Variants in RAPGEF5 observed in about 807,000 individuals in gnomAD.
The protein encoded by RAPGEF5 is Rap guanine nucleotide exchange factor 5, also known as M-Ras-regulated GEF.
A neutral mutation model predicts 125.2 loss-of-function variants in RAPGEF5; 65 were observed. The observed-to-expected ratio is 0.52, with a 90% confidence interval of 0.43 to 0.64. The LOEUF is 0.64. Among genes scored for constraint, RAPGEF5 ranks in the 30% least tolerant of loss-of-function variants. The pLI, the probability that RAPGEF5 is intolerant of heterozygous loss-of-function variation, is 0.00. For missense variants in RAPGEF5, 958 were observed against 1,048.1 expected (o/e 0.91, Z 1.19); for synonymous variants, 391 against 385.9 (o/e 1.01, Z -0.16).
At chr7:22,356,762 C>T in intron 1 of RAPGEF5, 68 bp downstream of exon 1, 2 of 904,952 alleles carry the variant, frequency 2.2e-6, no homozygotes, top group Non-Finnish European at 2.7e-6. Flanking sequence ...CCTCAGCGGC[C>T]CGGGGGGTGG....
chr7:22,265,337 T>C (rs1426517178), intron 7 of RAPGEF5, among the ~76,000 whole-genome samples: 1 of 152,206 alleles, frequency 6.6e-6, no homozygotes, highest in African/African-American at 2.4e-5. Context: ...CGCTGCCACA[T>C]ATGAGTGAAA....
intron 1 of RAPGEF5, among the ~76,000 whole-genome samples, chr7:22,325,833 G>C (rs1038351211): frequency 2.0e-5 from 3 of 152,070 alleles, no homozygotes; most frequent in Non-Finnish European, 2.9e-5. Context: ...CAAAGTACTG[G>C]GATTATATGA....
chr7:22,291,493 AC>A (rs1677886920), intron 5 of RAPGEF5, among the ~76,000 whole-genome samples: 1 of 152,190 alleles, frequency 6.6e-6, no homozygotes, highest in African/African-American at 2.4e-5. Flanking sequence ...GGTATTACTC[AC>A]CCCATGATAC....
chr7:22,231,121 A>G (rs1269013658), intron 7 of RAPGEF5, among the ~76,000 whole-genome samples: 1 of 152,220 alleles, frequency 6.6e-6, no homozygotes, highest in East Asian at 1.9e-4. Flanking sequence ...CATGTATTAA[A>G]TCAATGGCAG....
rs201720761 is a variant in RAPGEF5, at chr7:22,318,052, GAA to G, written c.232-17_232-16del. 13 of 1,255,354 alleles carry G rather than the reference GAA, an allele frequency of 1.0e-5. No individual in the cohort carries two copies. Among genetic ancestry groups the G allele is most frequent in the Non-Finnish European group, 1.3e-5 (13 of 980,226 alleles). 77.8% of individuals were successfully genotyped at this position (1,255,354 alleles called of 1,614,324 possible). On this transcript the variant is annotated splice_polypyrimidine_tract_variant and intron_variant, in intron 1 of 25. Coordinates refer to ENST00000665637, the MANE Select transcript of RAPGEF5 (RefSeq NM_012294.5). Reference sequence around the variant, plus strand: ...CTTGATAGAGTCTATTTTAAACAAAGAAAAAAAAAATAGTTAGAACCAAATAA... The same window carrying G: ...CTTGATAGAGTCTATTTTAAACAAAGAAAAAAAATAGTTAGAACCAAATAA...
chr7:22,158,368 T>C (rs1783878954), intron 14 of RAPGEF5, among the ~76,000 whole-genome samples: 1 of 152,210 alleles, frequency 6.6e-6, no homozygotes, highest in Admixed American at 6.5e-5. Context: ...TGCCCATCTC[T>C]GATCATCTCC....
At chr7:22,266,877 A>T in intron 7 of RAPGEF5, 87 bp downstream of exon 7, 1 of 1,329,552 alleles carries the variant, frequency 7.5e-7, no homozygotes, top group Non-Finnish European at 1.1e-6. Context: ...ACTTCCTGAG[A>T]TACACTCAAC....
intron 11 of RAPGEF5, 117 bp downstream of exon 11, chr7:22,193,250 C>T (rs1181768005): frequency 9.0e-7 from 1 of 1,113,586 alleles, no homozygotes; most frequent in East Asian, 2.6e-5. Context: ...TCGCACAAAG[C>T]ATATGCTATT....
At chr7:22,146,824 C>T (rs371215478) in intron 19 of RAPGEF5, 73 bp downstream of exon 19, 62 of 1,497,244 alleles carry the variant, frequency 4.1e-5, no homozygotes, top group Admixed American at 1.3e-4. Flanking sequence ...CATCACCGCA[C>T]GCATTGATAT....
At chr7:22,327,930 A>G (rs1323265110) in intron 1 of RAPGEF5, among the ~76,000 whole-genome samples, 1 of 152,248 alleles carries the variant, frequency 6.6e-6, no homozygotes, top group Non-Finnish European at 1.5e-5. Flanking sequence ...GTAAAATTAT[A>G]TAAAGAGCTT....
intron 7 of RAPGEF5, among the ~76,000 whole-genome samples, chr7:22,244,027 CGTAA>C (rs1786407131): frequency 6.6e-6 from 1 of 152,128 alleles, no homozygotes; most frequent in South Asian, 2.1e-4. Context: ...GGTTCCCACA[CGTAA>C]GTGAGATCAT....
intron 1 of RAPGEF5, among the ~76,000 whole-genome samples, chr7:22,337,090 C>T (rs1472651971): frequency 6.6e-6 from 1 of 152,156 alleles, no homozygotes; most frequent in African/African-American, 2.4e-5. Context: ...GTATAATACG[C>T]GTCAAGCTGG....
intron 11 of RAPGEF5, among the ~76,000 whole-genome samples, chr7:22,172,104 T>A (rs1267047784): frequency 6.6e-6 from 1 of 152,120 alleles, no homozygotes; most frequent in Non-Finnish European, 1.5e-5. Context: ...CTTTTCCCTA[T>A]CATCTGCTAC....
chr7:22,259,280 G>A (rs1364560329), intron 7 of RAPGEF5, among the ~76,000 whole-genome samples: 1 of 152,166 alleles, frequency 6.6e-6, no homozygotes, highest in African/African-American at 2.4e-5. Flanking sequence ...AATTGTGAAT[G>A]AAAACAAAGA....
chr7:22,125,043 A>G (rs1182961801), intron 25 of RAPGEF5, among the ~76,000 whole-genome samples: 1 of 152,202 alleles, frequency 6.6e-6, no homozygotes, highest in Admixed American at 6.5e-5. Context: ...GAGATTTAAA[A>G]AGGAACAAAT....
intron 6 of RAPGEF5, among the ~76,000 whole-genome samples, chr7:22,269,237 A>G (rs1210858690): frequency 1.3e-5 from 2 of 151,768 alleles, no homozygotes; most frequent in Non-Finnish European, 1.5e-5. Context: ...TACAAGACGC[A>G]AAGGGGAAAG....
chr7:22,221,764 A>C (rs1437215819), intron 8 of RAPGEF5, among the ~76,000 whole-genome samples: 1 of 152,184 alleles, frequency 6.6e-6, no homozygotes, highest in Non-Finnish European at 1.5e-5. Flanking sequence ...ACTGTGAGTC[A>C]ATTAAACCTC....
intron 1 of RAPGEF5, among the ~76,000 whole-genome samples, chr7:22,345,640 T>C (rs893717465): frequency 2.6e-5 from 4 of 152,144 alleles, no homozygotes; most frequent in African/African-American, 9.7e-5. Flanking sequence ...GTTGGGCTTT[T>C]TTAAGATCTA....
In RAPGEF5 at chr7:22,251,630, C is replaced by T. The variant is rs1401580567; in HGVS notation, c.796+15334G>A. On this transcript the variant is annotated intron_variant, in intron 7 of 25. Transcript: ENST00000665637. The stretch of plus-strand genomic sequence containing the variant: ...AAATAAAGTGGCCCTGATTGCACTG[C>T]TGACTTCTGATTTGGTATCACTAAC... 2.0e-5 allele frequency among the ~76,000 whole-genome samples: 3 copies of T among 152,078 alleles called. No individual in the cohort carries two copies. In the East Asian group the frequency reaches 5.8e-4, roughly 29 times the overall value.
Sources: allele counts gnomAD v4.1 joint callset (sites outside exome capture counted in the v4.1 genomes callset), GRCh38; gene constraint gnomAD v4.1.1; transcripts MANE v1.5; gene names NCBI Gene and HGNC (gene_info 2026-07-23, HGNC 2026-07-21).